Variants in WIPF3 observed in about 807,000 individuals in gnomAD.
The protein encoded by WIPF3 is WAS/WASL interacting protein family member 3, also known as WAS/WASL-interacting protein family member 3.
In WIPF3, 33 loss-of-function variants were observed where a neutral mutation model predicts 38.9. The observed-to-expected ratio is 0.85, with a 90% CI of 0.64 to 1.14. The LOEUF is 1.14. Among genes scored for constraint, WIPF3 ranks in the 50% most tolerant of loss-of-function variants. The pLI is 0.00. For synonymous variants in WIPF3, 324 were observed against 269.3 expected (o/e 1.20, Z -1.99); for missense variants, 711 against 652.5 (o/e 1.09, Z -0.98).
At position 29,889,408 on chromosome 7, in the gene WIPF3, G is replaced by T; in HGVS notation, c.1351+1G>T. The stretch of plus-strand genomic sequence containing the variant: ...ATTTACCCCAGCAAGATCCCCAGAA[G>T]TAAGTACCACCTTGATAAGACTCCT... On this transcript the variant is annotated splice_donor_variant, in intron 7 of 8. Transcript: ENST00000242140. LOFTEE classifies it high-confidence loss of function. 1 of 1,612,634 alleles carries T rather than the reference G, an allele frequency of 6.2e-7. No homozygotes were observed.
At position 29,912,250 on chromosome 7, in the gene WIPF3, G is replaced by A. The variant is rs1327679268; in HGVS notation, c.1429-2243G>A. Reference sequence around the variant, plus strand: ...GATACCACCTCATACACATCAAGACGGCTGCTATCAAAACAAAACAAAATA... The same window carrying A: ...GATACCACCTCATACACATCAAGACAGCTGCTATCAAAACAAAACAAAATA... On this transcript the variant is annotated intron_variant, in intron 8 of 8. Coordinates refer to ENST00000242140, the MANE Select transcript of WIPF3 (RefSeq NM_001080529.3). Among the ~76,000 whole-genome samples the A allele has an allele frequency of 2.6e-5, 4 of 152,018 alleles. 1 individual carries two copies. The South Asian group carries it at 6.2e-4, about 24-fold the overall frequency.
intron 4 of WIPF3, among the ~76,000 whole-genome samples, chr7:29,883,435 T>C (rs1785764795): frequency 6.6e-6 from 1 of 152,144 alleles, no homozygotes; most frequent in African/African-American, 2.4e-5. Flanking sequence ...GGAGTGCTGG[T>C]TGGTACACCT....
chr7:29,846,743 G>GT (rs1179433478), intron 2 of WIPF3, among the ~76,000 whole-genome samples: 1 of 152,188 alleles, frequency 6.6e-6, no homozygotes, highest in East Asian at 1.9e-4. Flanking sequence ...GTAAAAACAG[G>GT]TTTAAACACG....
At position 29,914,591 on chromosome 7, in the gene WIPF3, A is replaced by C; in HGVS notation, c.*75A>C. The C allele has an allele frequency of 8.7e-7, 1 of 1,148,502 alleles. No individual in the cohort carries two copies. Among genetic ancestry groups the C allele is most frequent in the Non-Finnish European group, 1.2e-6 (1 of 852,324 alleles). 71.1% of individuals were successfully genotyped at this position (1,148,502 alleles called of 1,614,324 possible). Reference sequence around the variant, plus strand: ...GTCAGACCCCACCCACCCCATGCTCAAGCTGTAATTCAGTTGGCATACAGG... The same window carrying C: ...GTCAGACCCCACCCACCCCATGCTCCAGCTGTAATTCAGTTGGCATACAGG... On this transcript the variant is annotated 3_prime_UTR_variant, in exon 9 of 9. Coordinates refer to ENST00000242140, the MANE Select transcript of WIPF3 (RefSeq NM_001080529.3).
intron 1 of WIPF3, among the ~76,000 whole-genome samples, chr7:29,812,121 C>G (rs1172976883): frequency 1.3e-5 from 2 of 152,116 alleles, no homozygotes; most frequent in Non-Finnish European, 2.9e-5. Flanking sequence ...TTATTACCTA[C>G]TTGGAAAAAG....
chr7:29,889,889 A>G (rs1162194606), intron 7 of WIPF3, among the ~76,000 whole-genome samples: 3 of 152,230 alleles, frequency 2.0e-5, no homozygotes, highest in African/African-American at 7.2e-5. Flanking sequence ...GCCAGGTTAC[A>G]TCTAAACCAC....
intron 1 of WIPF3, among the ~76,000 whole-genome samples, chr7:29,833,151 T>C (rs1233039842): frequency 2.0e-5 from 3 of 152,156 alleles, no homozygotes; most frequent in Non-Finnish European, 4.4e-5. Context: ...CAGAGGTTAC[T>C]GGGGGCTGAG....
At chr7:29,874,655 C>G (rs1328240815) in intron 2 of WIPF3, among the ~76,000 whole-genome samples, 1 of 152,148 alleles carries the variant, frequency 6.6e-6, no homozygotes, top group African/African-American at 2.4e-5. Context: ...GTGGAGAATC[C>G]TCCTGGCTGT....
intron 1 of WIPF3, among the ~76,000 whole-genome samples, chr7:29,824,596 T>C (rs1230777616): frequency 1.3e-5 from 2 of 150,518 alleles, no homozygotes; most frequent in African/African-American, 4.9e-5. Flanking sequence ...ATGTCAACAG[T>C]GTGATGTGGG....
At chr7:29,898,187 T>C (rs1786193882) in intron 7 of WIPF3, among the ~76,000 whole-genome samples, 2 of 152,166 alleles carry the variant, frequency 1.3e-5, no homozygotes, top group South Asian at 4.1e-4. Context: ...CACTTCTTCA[T>C]TTAGATTTTA....
intron 4 of WIPF3, among the ~76,000 whole-genome samples, chr7:29,881,013 G>A (rs1583616696): frequency 6.6e-6 from 1 of 152,228 alleles, no homozygotes; most frequent in Non-Finnish European, 1.5e-5. Context: ...CCAGCATGTT[G>A]CTGCCACTGG....
chr7:29,820,966 G>A (rs1324473346), intron 1 of WIPF3, among the ~76,000 whole-genome samples: 4 of 151,912 alleles, frequency 2.6e-5, no homozygotes, highest in East Asian at 1.9e-4. Flanking sequence ...ATTCCTTTCC[G>A]ATAGCGTATT....
chr7:29,826,427 C>T (rs1207548198), intron 1 of WIPF3, among the ~76,000 whole-genome samples: 1 of 152,190 alleles, frequency 6.6e-6, no homozygotes. Context: ...TCACCCTCCA[C>T]TGGAGTTTGG....
At chr7:29,910,739 T>A (rs571600441) in intron 8 of WIPF3, among the ~76,000 whole-genome samples, 24 of 152,026 alleles carry the variant, frequency 1.6e-4, no homozygotes, top group African/African-American at 5.5e-4. Context: ...AAAAAAATTC[T>A]CAATAAACTA....
In WIPF3 at chr7:29,916,378, A is replaced by G. The variant is rs1226330119; in HGVS notation, c.*1862A>G. The G allele has an allele frequency of 6.6e-6, 1 of 152,236 alleles. No homozygotes were observed. Among genetic ancestry groups the G allele is most frequent in the Non-Finnish European group, 1.5e-5 (1 of 68,048 alleles). The allele number at this position is 152,236 out of a possible 1,614,324, so 9.4% of individuals were successfully genotyped here. A position where few individuals can be genotyped will look rare whatever the true frequency, so the allele number is the denominator to read the frequency against. ...GCCTGCCCTAATGAGGTGTTTAGAC[A>G]TTCGTGTCTCCTATGGCTGGGATGG... On this transcript the variant is annotated 3_prime_UTR_variant, in exon 9 of 9. Transcript: ENST00000242140.
At chr7:29,907,108 A>G (rs750360035) in intron 8 of WIPF3, among the ~76,000 whole-genome samples, 3 of 152,234 alleles carry the variant, frequency 2.0e-5, no homozygotes, top group Admixed American at 6.5e-5. Context: ...AGGTAACTAT[A>G]TGGCCAATTA....
Position 29,884,348 on chromosome 7 carries a change from A to G in WIPF3, c.854A>G (p.Asp285Gly). The G allele has an allele frequency of 6.9e-7, 1 of 1,450,484 alleles. No homozygotes were observed. The highest frequency in any genetic ancestry group is 3.0e-5 in the East Asian group (1 of 33,114). The allele number at this position is 1,450,484 out of a possible 1,614,324, so 89.9% of individuals were successfully genotyped here. A position where few individuals can be genotyped will look rare whatever the true frequency, so the allele number is the denominator to read the frequency against. Residue 285 changes from aspartate to glycine, a missense_variant, in exon 5 of 9, where the codon GAT (aspartate) becomes GGT (glycine). Asp to Gly is a moderately conservative substitution (Grantham distance 94). Transcript: ENST00000242140. Reference protein sequence around the residue: ...LKAEPASPAQDAQEPPAPPPP... With the variant: ...LKAEPASPAQGAQEPPAPPPP... ...GCGGAGCCCGCCAGCCCTGCGCAAGATGCGCAGGAGCCTCCCGCCCCGCCG... is the reference window on the plus strand; with the variant it reads ...GCGGAGCCCGCCAGCCCTGCGCAAGGTGCGCAGGAGCCTCCCGCCCCGCCG...
chr7:29,858,661 T>G (rs1562779292), intron 2 of WIPF3, among the ~76,000 whole-genome samples: 1 of 152,254 alleles, frequency 6.6e-6, no homozygotes, highest in Non-Finnish European at 1.5e-5. Flanking sequence ...TTATTTTGAT[T>G]CATTGCAGCT....
In WIPF3 at chr7:29,884,520, G is replaced by T. The variant is rs1200534115; in HGVS notation, c.1026G>T (p.Ala342=). The T allele has an allele frequency of 1.3e-4, 198 of 1,578,374 alleles. No individual in the cohort carries two copies. The highest frequency in any genetic ancestry group is 1.7e-4 in the Non-Finnish European group (195 of 1,163,692). Reference sequence around the variant, plus strand: ...AGGCCCCACCGCAGAAGGCCGGTGCGCAGGCCTTGCCCGCCCCGCCTGCCC... The same window carrying T: ...AGGCCCCACCGCAGAAGGCCGGTGCTCAGGCCTTGCCCGCCCCGCCTGCCC... The part of the protein sequence containing the change: ...SFQAPPQKAG[A]QALPAPPAPP... Residue 342 remains alanine, a synonymous_variant, in exon 5 of 9, where the codon GCG becomes GCT. Coordinates refer to ENST00000242140, the MANE Select transcript of WIPF3 (RefSeq NM_001080529.3).
Sources: allele counts gnomAD v4.1 joint callset (sites outside exome capture counted in the v4.1 genomes callset), GRCh38; gene constraint gnomAD v4.1.1; transcripts MANE v1.5; gene names NCBI Gene and HGNC (gene_info 2026-07-23, HGNC 2026-07-21).